The following RSPO4 variants were observed in gnomAD, a reference collection of about 807,000 sequenced individuals.
The protein encoded by RSPO4 is R-spondin 4, also known as R-spondin-4.
A neutral mutation model predicts 24.8 loss-of-function variants in RSPO4; 23 were observed. That is an observed-to-expected ratio of 0.93 (90% CI 0.67 to 1.31). RSPO4 has a LOEUF of 1.31. Ranked by LOEUF, RSPO4 falls within the 40% of genes most tolerant of loss-of-function variation. The pLI, the probability that RSPO4 is intolerant of heterozygous loss-of-function variation, is 0.00. For missense variants in RSPO4, 333 were observed against 316.5 expected (o/e 1.05, Z -0.39); for synonymous variants, 141 against 127.4 (o/e 1.11, Z -0.72).
At chr20:982,573 T>G (rs967979741) in intron 1 of RSPO4, among the ~76,000 whole-genome samples, 1 of 152,192 alleles carries the variant, frequency 6.6e-6, no homozygotes, top group Non-Finnish European at 1.5e-5. Context: ...AGGTGCTCAG[T>G]GAGTACTTGC....
intron 4 of RSPO4, among the ~76,000 whole-genome samples, chr20:962,539 CTG>C (rs1984034682): frequency 1.3e-5 from 2 of 152,210 alleles, no homozygotes; most frequent in Non-Finnish European, 2.9e-5. Context: ...GAAGAACTGT[CTG>C]CCTCCTGTGT....
At chr20:963,357 T>A (rs1329596425) in intron 4 of RSPO4, among the ~76,000 whole-genome samples, 1 of 152,102 alleles carries the variant, frequency 6.6e-6, no homozygotes, top group Admixed American at 6.5e-5. Flanking sequence ...GCACTGTGAG[T>A]GTGGTGTCAA....
intron 1 of RSPO4, among the ~76,000 whole-genome samples, chr20:976,874 A>G (rs907026379): frequency 1.3e-5 from 2 of 152,172 alleles, no homozygotes; most frequent in African/African-American, 4.8e-5. Context: ...TCACATTAAA[A>G]AGCTGGAATT....
At chr20:962,008 C>A (rs983296331) in intron 4 of RSPO4, among the ~76,000 whole-genome samples, 1 of 152,022 alleles carries the variant, frequency 6.6e-6, no homozygotes, top group Non-Finnish European at 1.5e-5. Flanking sequence ...ATCTACCTAC[C>A]CACTCACCCA....
chr20:999,895 G>A (rs560759817), intron 1 of RSPO4, among the ~76,000 whole-genome samples: 2 of 152,156 alleles, frequency 1.3e-5, no homozygotes, highest in Admixed American at 1.3e-4. Flanking sequence ...TTGAGACAGA[G>A]TCTCACTCTG....
At chr20:989,307 C>T (rs1337952290) in intron 1 of RSPO4, among the ~76,000 whole-genome samples, 1 of 152,154 alleles carries the variant, frequency 6.6e-6, no homozygotes, top group Admixed American at 6.5e-5. Flanking sequence ...CCTAGGAAGG[C>T]CCTTTGACCT....
chr20:968,288 C>A, intron 1 of RSPO4, 150 bp from the exon 2 acceptor site: 2 of 695,590 alleles, frequency 2.9e-6, no homozygotes, highest in Non-Finnish European at 5.0e-6. Context: ...TCCCTTACAA[C>A]TAGATATGGT....
intron 1 of RSPO4, 134 bp downstream of exon 1, chr20:1,001,951 AC>A: frequency 1.4e-6 from 1 of 695,736 alleles, no homozygotes. Context: ...TGAGGTTGAG[AC>A]TCGTCTGGAG....
At chr20:983,378 T>C (rs1190399536) in intron 1 of RSPO4, among the ~76,000 whole-genome samples, 1 of 152,318 alleles carries the variant, frequency 6.6e-6, no homozygotes, top group East Asian at 1.9e-4. Context: ...TTTTGCAAGA[T>C]GAAATGTGAC....
At chr20:976,755 A>G (rs1341033152) in intron 1 of RSPO4, among the ~76,000 whole-genome samples, 2 of 152,158 alleles carry the variant, frequency 1.3e-5, no homozygotes, top group South Asian at 2.1e-4. Context: ...TGAATCTGTC[A>G]TTGAAATTTC....
intron 1 of RSPO4, among the ~76,000 whole-genome samples, chr20:996,305 G>A (rs952689650): frequency 3.9e-5 from 6 of 152,200 alleles, no homozygotes; most frequent in Non-Finnish European, 7.4e-5. Flanking sequence ...GTCCTCACCT[G>A]CTGATGCATT....
At chr20:989,389 G>C (rs1408156201) in intron 1 of RSPO4, among the ~76,000 whole-genome samples, 1 of 152,222 alleles carries the variant, frequency 6.6e-6, no homozygotes, top group Non-Finnish European at 1.5e-5. Context: ...GGTAAAGTGA[G>C]GTAATAACCT....
chr20:975,658 C>A (rs369863883), intron 1 of RSPO4, among the ~76,000 whole-genome samples: 2 of 152,138 alleles, frequency 1.3e-5, no homozygotes, highest in Non-Finnish European at 2.9e-5. Flanking sequence ...ACTCTGAATG[C>A]GTGCATTAAC....
intron 1 of RSPO4, among the ~76,000 whole-genome samples, chr20:972,174 C>T (rs547569613): frequency 6.6e-6 from 1 of 152,218 alleles, no homozygotes; most frequent in Non-Finnish European, 1.5e-5. Flanking sequence ...AAGCAATCCT[C>T]CCTCCTCAGC....
At chr20:994,120 G>A (rs1985198099) in intron 1 of RSPO4, among the ~76,000 whole-genome samples, 1 of 152,162 alleles carries the variant, frequency 6.6e-6, no homozygotes, top group African/African-American at 2.4e-5. Context: ...GGTAACATCT[G>A]GCATCTCCTG....
At chr20:983,121 G>C (rs560820522) in intron 1 of RSPO4, among the ~76,000 whole-genome samples, 2 of 152,212 alleles carry the variant, frequency 1.3e-5, no homozygotes, top group South Asian at 4.1e-4. Context: ...AGGTTTTGAA[G>C]TTTGTTCTGC....
chr20:996,174 G>A (rs191131264), intron 1 of RSPO4, among the ~76,000 whole-genome samples: 35 of 152,128 alleles, frequency 2.3e-4, no homozygotes, highest in African/African-American at 7.2e-4. Context: ...CGCAAAAAAT[G>A]TTTGCTGACC....
At chr20:975,463 C>T (rs565200930) in intron 1 of RSPO4, among the ~76,000 whole-genome samples, 16 of 152,256 alleles carry the variant, frequency 1.1e-4, no homozygotes, top group Admixed American at 2.0e-4. Flanking sequence ...CACCAGTAGG[C>T]CACAAAAGCA....
intron 1 of RSPO4, among the ~76,000 whole-genome samples, chr20:990,654 A>G (rs1210268719): frequency 6.6e-6 from 1 of 152,130 alleles, no homozygotes; most frequent in Non-Finnish European, 1.5e-5. Context: ...TGGTTCAGCC[A>G]AAGCAGCCCT....
Sources: allele counts gnomAD v4.1 joint callset (sites outside exome capture counted in the v4.1 genomes callset), GRCh38; gene constraint gnomAD v4.1.1; transcripts MANE v1.5; gene names NCBI Gene and HGNC (gene_info 2026-07-23, HGNC 2026-07-21).